Variants in MAGI2 observed in about 807,000 individuals in gnomAD.
MAGI2 encodes membrane-associated guanylate kinase, WW and PDZ domain-containing protein 2.
In MAGI2, 35 loss-of-function variants were observed where a neutral mutation model predicts 133.3. The ratio of observed to expected loss-of-function variants is 0.26; its 90% confidence interval spans 0.20 to 0.35. The LOEUF is 0.35. Among genes scored for constraint, MAGI2 ranks in the 10% least tolerant of loss-of-function variants. MAGI2 has a pLI of 1.00. For missense variants in MAGI2, 1,636 were observed against 1,863.4 expected (o/e 0.88, Z 2.25); for synonymous variants, 729 against 710.6 (o/e 1.03, Z -0.41).
intron 1 of MAGI2, among the ~76,000 whole-genome samples, chr7:79,214,357 G>A (rs1367714693): frequency 6.7e-5 from 6 of 89,768 alleles, no homozygotes; most frequent in African/African-American, 2.4e-4. Flanking sequence ...TCTGCATTAC[G>A]CACCTCTCTC....
At chr7:78,338,005 C>T (rs149995943) in intron 9 of MAGI2, among the ~76,000 whole-genome samples, 2 of 152,044 alleles carry the variant, frequency 1.3e-5, no homozygotes, top group African/African-American at 4.8e-5. Context: ...AAAATATTAG[C>T]CATAGAGCAA....
At chr7:78,831,811 T>C (rs1347224594) in intron 2 of MAGI2, among the ~76,000 whole-genome samples, 1 of 152,194 alleles carries the variant, frequency 6.6e-6, no homozygotes, top group Non-Finnish European at 1.5e-5. Flanking sequence ...GCAAGATAAA[T>C]TGTTCTAATT....
chr7:79,137,676 C>T (rs1044096387), intron 1 of MAGI2, among the ~76,000 whole-genome samples: 7 of 151,886 alleles, frequency 4.6e-5, no homozygotes, highest in Non-Finnish European at 1.0e-4. Context: ...TGGTCTCGAA[C>T]TCCTGACCAG....
chr7:78,127,728 C>T (rs759331137), intron 18 of MAGI2, among the ~76,000 whole-genome samples: 2 of 152,292 alleles, frequency 1.3e-5, no homozygotes, highest in Non-Finnish European at 2.9e-5. Flanking sequence ...TGTACAGCCA[C>T]AGCAAATCAA....
intron 14 of MAGI2, among the ~76,000 whole-genome samples, chr7:78,172,596 T>A (rs569804265): frequency 1.3e-5 from 2 of 152,380 alleles, no homozygotes; most frequent in South Asian, 4.1e-4. Flanking sequence ...AATGCCCGTA[T>A]GCTTTGTCTG....
intron 1 of MAGI2, among the ~76,000 whole-genome samples, chr7:79,437,166 G>A (rs910006579): frequency 6.6e-6 from 1 of 152,044 alleles, no homozygotes; most frequent in Non-Finnish European, 1.5e-5. Flanking sequence ...ACATAAACAT[G>A]GAAACAATAG....
chr7:79,160,990 C>G (rs1181484794), intron 1 of MAGI2, among the ~76,000 whole-genome samples: 1 of 151,964 alleles, frequency 6.6e-6, no homozygotes, highest in Non-Finnish European at 1.5e-5. Flanking sequence ...GAATCCCAAA[C>G]TCCTTTTCAC....
Position 78,079,016 on chromosome 7 carries a change from G to A in MAGI2, c.3637C>T (p.Leu1213Phe), listed in dbSNP as rs1815677040. Residue 1213 changes from leucine (L) to phenylalanine (F), a missense_variant, in exon 21 of 22, where the codon CTC becomes TTC. Leu to Phe is a conservative substitution (Grantham distance 22). Coordinates refer to ENST00000354212, the MANE Select transcript of MAGI2 (RefSeq NM_012301.4). ...ACTCGTCTTCCTCCAGATTTGATGA[G>A]TTCTATTGCTCTGGCATGTGTCATG... is the stretch of plus-strand genomic sequence containing the variant. ...RDMTHARAIE[L>F]IKSGGRRVRL... 1 of 1,613,796 alleles carries A rather than the reference G, an allele frequency of 6.2e-7. No individual in the cohort carries two copies. Among genetic ancestry groups the A allele is most frequent in the Non-Finnish European group, 8.5e-7 (1 of 1,179,856 alleles).
chr7:79,144,900 G>A (rs907114802), intron 1 of MAGI2, among the ~76,000 whole-genome samples: 7 of 152,054 alleles, frequency 4.6e-5, no homozygotes, highest in African/African-American at 1.7e-4. Flanking sequence ...TGAATATTAC[G>A]GGTGACAATT....
chr7:78,925,536 T>G (rs1442517377), intron 2 of MAGI2, among the ~76,000 whole-genome samples: 1 of 152,048 alleles, frequency 6.6e-6, no homozygotes, highest in Non-Finnish European at 1.5e-5. Context: ...GACTCCTGTA[T>G]GGTCAAAACC....
At chr7:78,749,630 T>G (rs950819715) in intron 2 of MAGI2, among the ~76,000 whole-genome samples, 4 of 152,116 alleles carry the variant, frequency 2.6e-5, no homozygotes, top group African/African-American at 7.2e-5. Context: ...GTTGGCAGAA[T>G]AAGGATAGAT....
intron 1 of MAGI2, among the ~76,000 whole-genome samples, chr7:79,073,472 T>A (rs1198228322): frequency 6.6e-6 from 1 of 152,184 alleles, no homozygotes; most frequent in East Asian, 1.9e-4. Context: ...GTTATATATG[T>A]TCATTCCCTT....
chr7:78,602,724 A>G (rs1209211210), intron 3 of MAGI2, among the ~76,000 whole-genome samples: 1 of 152,220 alleles, frequency 6.6e-6, no homozygotes, highest in Non-Finnish European at 1.5e-5. Flanking sequence ...GAAATGGGGA[A>G]AAATATCTCC....
At chr7:79,429,992 T>A (rs764559645) in intron 1 of MAGI2, among the ~76,000 whole-genome samples, 2 of 152,104 alleles carry the variant, frequency 1.3e-5, no homozygotes, top group Non-Finnish European at 2.9e-5. Flanking sequence ...TTCCCATCAA[T>A]GACTACTATT....
chr7:79,300,769 A>G (rs1213650069), intron 1 of MAGI2, among the ~76,000 whole-genome samples: 1 of 152,230 alleles, frequency 6.6e-6, no homozygotes, highest in African/African-American at 2.4e-5. Flanking sequence ...GGCATTTCAG[A>G]GACCTTTGTG....
intron 2 of MAGI2, among the ~76,000 whole-genome samples, chr7:78,660,416 G>A (rs1263783722): frequency 2.6e-5 from 4 of 151,760 alleles, no homozygotes; most frequent in Non-Finnish European, 4.4e-5. Flanking sequence ...ATTTTATAGT[G>A]CTTCTCATGA....
rs572259530 is a variant in MAGI2, at chr7:78,944,844, C to T, written c.418+62246G>A. Among the ~76,000 whole-genome samples, 5 of 152,048 alleles carry T rather than the reference C, an allele frequency of 3.3e-5. No individual in the cohort carries two copies. In the East Asian group the frequency reaches 9.7e-4, roughly 29 times the overall value. On this transcript the variant is annotated intron_variant, in intron 2 of 21. Coordinates refer to ENST00000354212, the MANE Select transcript of MAGI2 (RefSeq NM_012301.4). Reference sequence around the variant, plus strand: ...CTCCATCTCCCAAGCTCAAACGATCCCCCCACCTCAGCCTCTGGAGTAGAT... The same window carrying T: ...CTCCATCTCCCAAGCTCAAACGATCTCCCCACCTCAGCCTCTGGAGTAGAT...
chr7:78,265,273 T>C (rs1326227438), intron 9 of MAGI2, among the ~76,000 whole-genome samples: 1 of 152,184 alleles, frequency 6.6e-6, no homozygotes, highest in Non-Finnish European at 1.5e-5. Flanking sequence ...AAAGCACTGA[T>C]TATTTGCTGA....
chr7:78,934,701 T>C (rs1800390197), intron 2 of MAGI2, among the ~76,000 whole-genome samples: 1 of 152,066 alleles, frequency 6.6e-6, no homozygotes, highest in Non-Finnish European at 1.5e-5. Context: ...TTGAGTCCTT[T>C]CCCCAAGATA....
Sources: gnomAD v4.1 joint callset for allele counts (sites outside exome capture counted in the v4.1 genomes callset) on GRCh38, gnomAD v4.1.1 for gene constraint, MANE v1.5 for transcripts, NCBI Gene and HGNC (gene_info 2026-07-23, HGNC 2026-07-21) for gene names.